CLP1: variants seen among roughly 807,000 people sequenced by gnomAD.
The protein encoded by CLP1 is polyribonucleotide 5'-hydroxyl-kinase Clp1.
Under a neutral mutation model 29.9 loss-of-function variants are expected in CLP1, and 18 were observed. That is an observed-to-expected ratio of 0.60 (90% CI 0.42 to 0.89). The LOEUF is 0.89. Ranked by LOEUF, CLP1 falls within the 40% of genes least tolerant of loss-of-function variation. CLP1 has a pLI of 0.00. For synonymous variants in CLP1, 162 were observed against 206.2 expected (o/e 0.79, Z 1.84); for missense variants, 357 against 544.8 (o/e 0.66, Z 3.43).
In CLP1 at chr11:57,660,031, G is replaced by A. The variant is rs1945859964; in HGVS notation, c.555G>A (p.Val185=). The A allele has an allele frequency of 5.6e-6, 9 of 1,605,404 alleles. No homozygotes were observed. Among genetic ancestry groups the A allele is most frequent in the Middle Eastern group, 1.7e-4 (1 of 6,024 alleles). ...GTTTCTCTATCCAGGCCCCTCTGGT[G>A]TATCATTTTGGTTCCACCACTCCTG... ...EEGFSIQAPL[V]YHFGSTTPGT... is the part of the protein sequence containing the mutation. Residue 185 remains valine (V), a synonymous_variant, in exon 2 of 3, where the codon GTG becomes GTA. Transcript: ENST00000533682.
At position 57,659,686 on chromosome 11, in the gene CLP1, C is replaced by G; in HGVS notation, c.210C>G (p.Gly70=). The G allele has an allele frequency of 6.2e-7, 1 of 1,614,142 alleles. No homozygotes were observed. The highest frequency in any genetic ancestry group is 1.1e-5 in the South Asian group (1 of 91,078). The change falls in exon 2 of 3, where the codon GGC becomes GGG. Residue 70 remains glycine, a synonymous_variant. Coordinates refer to ENST00000533682, the MANE Select transcript of CLP1 (RefSeq NM_006831.3). Reference sequence around the variant, plus strand: ...AGGTGGCTGTTTTCACTTGGCATGGCTGTTCTGTGCAACTGAGCGGCCGCA... The same window carrying G: ...AGGTGGCTGTTTTCACTTGGCATGGGTGTTCTGTGCAACTGAGCGGCCGCA... The part of the protein sequence containing the change: ...GAKVAVFTWH[G]CSVQLSGRTE...
At position 57,660,016 on chromosome 11, in the gene CLP1, C is replaced by T; in HGVS notation, c.540C>T (p.Ile180=). 1 of 1,612,334 alleles carries T rather than the reference C, an allele frequency of 6.2e-7. No homozygotes were observed. The highest frequency in any genetic ancestry group is 8.5e-7 in the Non-Finnish European group (1 of 1,179,070). Residue 180 remains isoleucine (I), a synonymous_variant, in exon 2 of 3, where the codon ATC becomes ATT. Coordinates refer to ENST00000533682, the MANE Select transcript of CLP1 (RefSeq NM_006831.3). Reference sequence around the variant, plus strand: ...CAGATGTCGAAGAGGGTTTCTCTATCCAGGCCCCTCTGGTGTATCATTTTG... The same window carrying T: ...CAGATGTCGAAGAGGGTTTCTCTATTCAGGCCCCTCTGGTGTATCATTTTG... ...RPADVEEGFS[I]QAPLVYHFGS... is the part of the protein sequence containing the mutation.
At chr11:57,658,355 A>G (rs1945841141) in intron 1 of CLP1, among the ~76,000 whole-genome samples, 1 of 152,188 alleles carries the variant, frequency 6.6e-6, no homozygotes, top group Non-Finnish European at 1.5e-5. Flanking sequence ...TGATATAATT[A>G]AATCTTCTGT....
Position 57,661,394 on chromosome 11 carries a change from C to T in CLP1, c.1236C>T (p.Asn412=). 1.2e-6 allele frequency: 2 copies of T among 1,613,712 alleles called. No individual in the cohort carries two copies. Among genetic ancestry groups the T allele is most frequent in the Non-Finnish European group, 1.7e-6 (2 of 1,179,804 alleles). The change falls in exon 3 of 3, where the codon AAC becomes AAT. Residue 412 remains asparagine (N), a synonymous_variant. Coordinates refer to ENST00000533682, the MANE Select transcript of CLP1 (RefSeq NM_006831.3). ...LSPAPRPLPK[N]FLLIMDIRFM... ...CAGCCCCTCGCCCACTGCCTAAGAA[C>T]TTCCTTCTCATCATGGATATCCGGT...
Position 57,661,518 on chromosome 11 carries a change from G to C in CLP1, c.*82G>C, listed in dbSNP as rs1238950878. 1 of 1,186,032 alleles carries C rather than the reference G, an allele frequency of 8.4e-7. No individual in the cohort carries two copies. Among genetic ancestry groups the C allele is most frequent in the Non-Finnish European group, 1.2e-6 (1 of 837,132 alleles). 73.5% of individuals were successfully genotyped at this position (1,186,032 alleles called of 1,614,324 possible). A position where few individuals can be genotyped will look rare whatever the true frequency, so the allele number is the denominator to read the frequency against. On this transcript the variant is annotated 3_prime_UTR_variant, in exon 3 of 3. Transcript: ENST00000533682. ...GGCAGATGGGCTGAGATAAAAGACT[G>C]TTGGGGCCACCTGACCAGTAAACTG...
At position 57,659,823 on chromosome 11, in the gene CLP1, G is replaced by A. The variant is rs774552487; in HGVS notation, c.347G>A (p.Arg116Gln). The change falls in exon 2 of 3, where the codon CGA becomes CAA. Residue 116 changes from arginine (R) to glutamine (Q), a missense_variant. By Grantham distance (43) the Arg-to-Gln change is conservative. Transcript: ENST00000533682. ...GAAAAGGAAGAAGAGCGAGGTCCCC[G>A]AGTGATGGTAGTGGGCCCCACTGAT... ...QAEKEEERGP[R>Q]VMVVGPTDVG... is the part of the protein sequence containing the mutation. 26 of 1,614,046 alleles carry A rather than the reference G, an allele frequency of 1.6e-5. 1 individual carries two copies. The highest frequency in any genetic ancestry group is 3.3e-5 in the Admixed American group (2 of 59,984).
In CLP1 at chr11:57,659,529, A is replaced by G. The variant is rs1278449901; in HGVS notation, c.53A>G (p.Glu18Gly). Residue 18 changes from glutamate (E) to glycine (G), a missense_variant, in exon 2 of 3, where the codon GAG becomes GGG. Coordinates refer to ENST00000533682, the MANE Select transcript of CLP1 (RefSeq NM_006831.3). ...DKKPTTKFEL[E>G]RETELRFEVE... ...AAGCCAACCACTAAATTTGAACTAGAGCGAGAAACAGAACTTCGCTTTGAG... is the reference window on the plus strand; with the variant it reads ...AAGCCAACCACTAAATTTGAACTAGGGCGAGAAACAGAACTTCGCTTTGAG... The G allele has an allele frequency of 6.2e-7, 1 of 1,614,048 alleles. No homozygotes were observed. The highest frequency in any genetic ancestry group is 8.5e-7 in the Non-Finnish European group (1 of 1,180,042).
At chr11:57,660,336 G>T (rs759775300) in intron 2 of CLP1, among the ~76,000 whole-genome samples, 5 of 152,138 alleles carry the variant, frequency 3.3e-5, no homozygotes, top group Admixed American at 6.5e-5. Context: ...CCATGTTATG[G>T]TATCAAAACT....
At chr11:57,659,110 G>A (rs1945848473) in intron 1 of CLP1, among the ~76,000 whole-genome samples, 1 of 141,432 alleles carries the variant, frequency 7.1e-6, no homozygotes, top group Non-Finnish European at 1.5e-5. Context: ...TTGAGATGGA[G>A]TCTTGCTCTG....
chr11:57,659,368 C>T (rs1945851750), intron 1 of CLP1, 87 bp from the exon 2 acceptor site: 11 of 1,305,980 alleles, frequency 8.4e-6, no homozygotes, highest in East Asian at 5.0e-5. Context: ...GGATTACAGG[C>T]GTGAGCCACC....
chr11:57,660,165 T>G (rs1945861038), intron 2 of CLP1, 83 bp downstream of exon 2: 1 of 1,380,060 alleles, frequency 7.2e-7, no homozygotes, highest in African/African-American at 1.4e-5. Context: ...TAACACTGCA[T>G]TTTCTCAGCT....
chr11:57,661,250 C>G lies in CLP1; in HGVS notation c.1092C>G (p.His364Gln). ...CTCCTGGGCGAGATATGGTGCACCACCTACTGAGTGTTAGCACTGCCGAGG... is the reference window on the plus strand; with the variant it reads ...CTCCTGGGCGAGATATGGTGCACCAGCTACTGAGTGTTAGCACTGCCGAGG... ...PVTPGRDMVH[H>Q]LLSVSTAEGT... Residue 364 changes from histidine to glutamine, a missense_variant, in exon 3 of 3, where the codon CAC becomes CAG. Coordinates refer to ENST00000533682, the MANE Select transcript of CLP1 (RefSeq NM_006831.3). The G allele has an allele frequency of 1.2e-6, 2 of 1,614,226 alleles. No homozygotes were observed. The highest frequency in any genetic ancestry group is 1.7e-6 in the Non-Finnish European group (2 of 1,180,040).
In CLP1 at chr11:57,661,473, A is replaced by G. The variant is rs1945876814; in HGVS notation, c.*37A>G. The G allele has an allele frequency of 6.5e-7, 1 of 1,549,580 alleles. No homozygotes were observed. The highest frequency in any genetic ancestry group is 8.8e-7 in the Non-Finnish European group (1 of 1,139,648). Reference sequence around the variant, plus strand: ...AAGCCTTGCTGCCTGGGACATAGAGATCATCTGGCCACCCCTAGAGGCAGA... The same window carrying G: ...AAGCCTTGCTGCCTGGGACATAGAGGTCATCTGGCCACCCCTAGAGGCAGA... On this transcript the variant is annotated 3_prime_UTR_variant, in exon 3 of 3. Transcript: ENST00000533682.
intron 1 of CLP1, 160 bp from the exon 2 acceptor site, chr11:57,659,295 G>T (rs1945850905): frequency 1.6e-6 from 1 of 642,182 alleles, no homozygotes; most frequent in Non-Finnish European, 2.7e-6. Context: ...CACCATGTTG[G>T]CCAGGCTAGT....
At chr11:57,659,322 C>T in intron 1 of CLP1, 133 bp from the exon 2 acceptor site, 1 of 779,368 alleles carries the variant, frequency 1.3e-6, no homozygotes, top group South Asian at 1.8e-5. Context: ...CTCCTGACCT[C>T]AAGTGATCCA....
intron 1 of CLP1, among the ~76,000 whole-genome samples, chr11:57,658,935 T>C (rs1428012836): frequency 6.6e-6 from 1 of 151,550 alleles, no homozygotes; most frequent in Non-Finnish European, 1.5e-5. Context: ...CCACCAGGCC[T>C]GGCCAATATT....
chr11:57,658,095 C>T (rs1221662600), intron 1 of CLP1, among the ~76,000 whole-genome samples: 1 of 152,158 alleles, frequency 6.6e-6, no homozygotes, highest in Non-Finnish European at 1.5e-5. Flanking sequence ...ACCCCAAGAA[C>T]AACACTGTAT....
intron 1 of CLP1, among the ~76,000 whole-genome samples, chr11:57,658,351 A>G (rs1002424488): frequency 6.6e-6 from 1 of 152,182 alleles, no homozygotes; most frequent in Admixed American, 6.5e-5. Flanking sequence ...AGGGTGATAT[A>G]ATTAAATCTT....
chr11:57,660,665 C>A (rs1945866788), intron 2 of CLP1, 100 bp from the exon 3 acceptor site: 2 of 1,046,942 alleles, frequency 1.9e-6, no homozygotes, highest in South Asian at 1.6e-5. Flanking sequence ...AAAAAAAAAT[C>A]ATTTTTCTTA....
Sources: gnomAD v4.1 joint callset for allele counts (sites outside exome capture counted in the v4.1 genomes callset) on GRCh38, gnomAD v4.1.1 for gene constraint, MANE v1.5 for transcripts, NCBI Gene and HGNC (gene_info 2026-07-23, HGNC 2026-07-21) for gene names.